MUSK: variants seen among roughly 807,000 people sequenced by gnomAD.
MUSK encodes the protein muscle, skeletal receptor tyrosine-protein kinase.
A neutral mutation model predicts 88.7 loss-of-function variants in MUSK; 55 were observed. The observed-to-expected ratio is 0.62, with a 90% CI of 0.50 to 0.78. The LOEUF (loss-of-function observed/expected upper bound fraction) is 0.78, where lower values mean the gene tolerates loss of function less well. Among genes scored for constraint, MUSK ranks in the 30% least tolerant of loss-of-function variants. The pLI is 0.00. For synonymous variants in MUSK, 387 were observed against 391.9 expected, an observed-to-expected ratio of 0.99 and a Z score of 0.15; for missense variants, 1,015 against 1,074.3, an observed-to-expected ratio of 0.94 and a Z score of 0.77.
At chr9:110,790,411 T>C (rs2077953340) in intron 14 of MUSK, among the ~76,000 whole-genome samples, 1 of 152,172 alleles carries the variant, frequency 6.6e-6, no homozygotes, top group Non-Finnish European at 1.5e-5. Context: ...TCCTTTCATG[T>C]GGAAGTAATA....
intron 9 of MUSK, 82 bp downstream of exon 9, chr9:110,768,165 T>C: frequency 7.5e-7 from 1 of 1,334,012 alleles, no homozygotes; most frequent in East Asian, 2.3e-5. Context: ...AATGTTGTAA[T>C]ATGCAACAGT....
chr9:110,737,203 C>T (rs927418033), intron 6 of MUSK, among the ~76,000 whole-genome samples: 4 of 151,796 alleles, frequency 2.6e-5, no homozygotes, highest in African/African-American at 9.7e-5. Context: ...GAGACAGAAA[C>T]CTACCATGGA....
At chr9:110,772,730 T>G (rs1373327604) in intron 9 of MUSK, among the ~76,000 whole-genome samples, 1 of 152,114 alleles carries the variant, frequency 6.6e-6, no homozygotes, top group Non-Finnish European at 1.5e-5. Flanking sequence ...TTTCCAAGAA[T>G]GTTTTCTTGC....
chr9:110,717,691 A>G (rs1318057015), intron 5 of MUSK, among the ~76,000 whole-genome samples: 1 of 149,832 alleles, frequency 6.7e-6, no homozygotes, highest in Non-Finnish European at 1.5e-5. Context: ...AAATGCCACT[A>G]TTTTACCCTG....
chr9:110,754,324 T>C (rs2077284744), intron 7 of MUSK, among the ~76,000 whole-genome samples: 1 of 152,240 alleles, frequency 6.6e-6, no homozygotes, highest in South Asian at 2.1e-4. Flanking sequence ...GACTTCTAGA[T>C]AATTTTAAAG....
At chr9:110,730,318 G>C (rs1468035317) in intron 5 of MUSK, among the ~76,000 whole-genome samples, 1 of 151,814 alleles carries the variant, frequency 6.6e-6, no homozygotes, top group Non-Finnish European at 1.5e-5. Context: ...CAGAAAGAGG[G>C]GTTTGATGAT....
At chr9:110,750,690 G>T (rs2077237041) in intron 7 of MUSK, among the ~76,000 whole-genome samples, 1 of 152,122 alleles carries the variant, frequency 6.6e-6, no homozygotes, top group Non-Finnish European at 1.5e-5. Flanking sequence ...AGAGATTTGG[G>T]CTTGCTAACT....
intron 7 of MUSK, among the ~76,000 whole-genome samples, chr9:110,755,937 T>TATATATATACATATATATAAC (rs1564268557): frequency 1.4e-4 from 12 of 88,372 alleles, no homozygotes; most frequent in South Asian, 3.6e-4. Flanking sequence ...TATATACATA[T>TATATATATACATATATATAAC]ATATATATAT....
intron 7 of MUSK, among the ~76,000 whole-genome samples, chr9:110,755,967 T>TATATATATATATAC (rs1564268908): frequency 6.8e-5 from 4 of 58,842 alleles, no homozygotes; most frequent in East Asian, 5.3e-4. Flanking sequence ...TATATATACA[T>TATATATATATATAC]ATATATATAT....
chr9:110,687,584 C>A (rs1403936453), intron 3 of MUSK, among the ~76,000 whole-genome samples: 2 of 152,088 alleles, frequency 1.3e-5, no homozygotes, highest in African/African-American at 4.8e-5. Context: ...ATCCGCCCAC[C>A]TTGGCATCCT....
intron 3 of MUSK, among the ~76,000 whole-genome samples, chr9:110,692,980 G>A (rs144613678): frequency 6.6e-6 from 1 of 152,028 alleles, no homozygotes; most frequent in African/African-American, 2.4e-5. Context: ...TAAAAAGCTG[G>A]TGGGAATAGC....
At chr9:110,756,077 G>C (rs1320240795) in intron 7 of MUSK, among the ~76,000 whole-genome samples, 2 of 150,500 alleles carry the variant, frequency 1.3e-5, no homozygotes, top group South Asian at 4.2e-4. Flanking sequence ...CTAATGCTCA[G>C]AAAGGTGCCC....
At chr9:110,704,121 A>T (rs2076565957) in intron 5 of MUSK, among the ~76,000 whole-genome samples, 1 of 152,230 alleles carries the variant, frequency 6.6e-6, no homozygotes, top group Admixed American at 6.5e-5. Flanking sequence ...TTTAAAATGT[A>T]TATAGATTTG....
intron 1 of MUSK, among the ~76,000 whole-genome samples, chr9:110,672,533 G>C (rs1381955425): frequency 6.6e-6 from 1 of 152,116 alleles, no homozygotes; most frequent in Non-Finnish European, 1.5e-5. Context: ...GAGAGTAAAG[G>C]AGTTGGAGTT....
chr9:110,789,246 TG>T (rs2077930137), intron 14 of MUSK, among the ~76,000 whole-genome samples: 1 of 152,194 alleles, frequency 6.6e-6, no homozygotes, highest in Non-Finnish European at 1.5e-5. Context: ...GATGATGGCA[TG>T]GGCCAGGTGG....
chr9:110,732,084 G>C (rs544987055), intron 5 of MUSK, among the ~76,000 whole-genome samples: 4 of 152,160 alleles, frequency 2.6e-5, no homozygotes, highest in Non-Finnish European at 4.4e-5. Context: ...CATTCAAAAG[G>C]CGTTTTTGAT....
intron 7 of MUSK, among the ~76,000 whole-genome samples, chr9:110,761,068 C>T (rs2077390987): frequency 6.6e-6 from 1 of 152,056 alleles, no homozygotes; most frequent in Admixed American, 6.5e-5. Flanking sequence ...GAGGACAGGA[C>T]GAAGTAACCA....
Position 110,697,334 on chromosome 9 carries a change from C to A in MUSK, c.496C>A (p.Arg166=). ...KGDSPLRENS[R]IAVLESGSLR... ...TCCCTATCTCTGGCAGGAAAATTCCCGAATTGCAGTTCTTGAATCTGGGAG... is the reference window on the plus strand; with the variant it reads ...TCCCTATCTCTGGCAGGAAAATTCCAGAATTGCAGTTCTTGAATCTGGGAG... Residue 166 remains arginine (R), a synonymous_variant, in exon 5 of 15, where the codon CGA becomes AGA. Coordinates refer to ENST00000374448, the MANE Select transcript of MUSK (RefSeq NM_005592.4). The A allele has an allele frequency of 1.9e-6, 3 of 1,612,000 alleles. No individual in the cohort carries two copies. Among genetic ancestry groups the A allele is most frequent in the Non-Finnish European group, 2.5e-6 (3 of 1,178,854 alleles).
At chr9:110,781,730 T>C (rs1218288920) in intron 11 of MUSK, among the ~76,000 whole-genome samples, 1 of 152,196 alleles carries the variant, frequency 6.6e-6, no homozygotes, top group African/African-American at 2.4e-5. Flanking sequence ...CCATTCCTCA[T>C]AGACATAGCT....
Sources: allele counts gnomAD v4.1 joint callset (sites outside exome capture counted in the v4.1 genomes callset), GRCh38; gene constraint gnomAD v4.1.1; transcripts MANE v1.5; gene names NCBI Gene and HGNC (gene_info 2026-07-23, HGNC 2026-07-21).